SYNE1: variants seen among roughly 807,000 people sequenced by gnomAD.
SYNE1 encodes nesprin-1.
In SYNE1, 616 loss-of-function variants were observed where a neutral mutation model predicts 1,111.0. That is an observed-to-expected ratio of 0.55 (90% CI 0.52 to 0.59). The LOEUF is 0.59. SYNE1 is among the 20% of genes least tolerant of loss of function. SYNE1 has a pLI of 0.00. For missense variants in SYNE1, 10,006 were observed against 10,417.0 expected, an observed-to-expected ratio of 0.96 and a Z score of 1.72; for synonymous variants, 3,855 against 3,825.8, an observed-to-expected ratio of 1.01 and a Z score of -0.28.
chr6:152,417,238 C>T (rs1354967270), intron 40 of SYNE1, among the ~76,000 whole-genome samples: 5 of 152,304 alleles, frequency 3.3e-5, no homozygotes, highest in Non-Finnish European at 7.3e-5. Context: ...GTGGCTCACG[C>T]CTGTAATCCC....
chr6:152,180,116 A>G lies in SYNE1; in HGVS notation c.23460+20T>C. On this transcript the variant is annotated intron_variant, in intron 129 of 145. Transcript: ENST00000367255. ...AAGCCTTATGAAGAATGAAAACCTA[A>G]GTAGCCATGCATTCCATACCTTCTT... 1 of 1,613,866 alleles carries G rather than the reference A, an allele frequency of 6.2e-7. No homozygotes were observed. The highest frequency in any genetic ancestry group is 8.5e-7 in the Non-Finnish European group (1 of 1,179,856).
At chr6:152,197,695 T>TA (rs1156709104) in intron 127 of SYNE1, among the ~76,000 whole-genome samples, 1 of 152,162 alleles carries the variant, frequency 6.6e-6, no homozygotes, top group East Asian at 1.9e-4. Flanking sequence ...AAAGTGGGCT[T>TA]AAAATATCAG....
At chr6:152,261,492 C>A (rs2091983956) in intron 101 of SYNE1, among the ~76,000 whole-genome samples, 2 of 152,208 alleles carry the variant, frequency 1.3e-5, no homozygotes, top group Non-Finnish European at 2.9e-5. Flanking sequence ...CAGTATCCCT[C>A]CCAGGAACCA....
At chr6:152,338,693 A>T (rs1305821906) in intron 75 of SYNE1, among the ~76,000 whole-genome samples, 1 of 152,234 alleles carries the variant, frequency 6.6e-6, no homozygotes, top group Non-Finnish European at 1.5e-5. Flanking sequence ...CTGCAGTGGC[A>T]GCAGCCGGGA....
intron 34 of SYNE1, among the ~76,000 whole-genome samples, chr6:152,431,849 T>C (rs1223175023): frequency 3.9e-5 from 6 of 152,206 alleles, no homozygotes; most frequent in Non-Finnish European, 8.8e-5. Flanking sequence ...ATATTTGTTA[T>C]TTGAGCATTT....
intron 3 of SYNE1, among the ~76,000 whole-genome samples, chr6:152,627,872 C>T (rs2099689101): frequency 6.6e-6 from 1 of 152,030 alleles, no homozygotes; most frequent in Non-Finnish European, 1.5e-5. Flanking sequence ...ACCTATTTGA[C>T]AATAGCATAT....
chr6:152,180,860 C>T (rs1029345324), intron 128 of SYNE1, among the ~76,000 whole-genome samples: 3 of 152,032 alleles, frequency 2.0e-5, no homozygotes, highest in Admixed American at 6.6e-5. Flanking sequence ...CATACTGACA[C>T]GTGGACTCCA....
chr6:152,234,043 G>T, intron 111 of SYNE1, 80 bp from the exon 112 acceptor site: 1 of 1,435,846 alleles, frequency 7.0e-7, no homozygotes, highest in Non-Finnish European at 9.6e-7. Flanking sequence ...TTTAGTGCAT[G>T]AAACAATTTC....
At chr6:152,125,379 T>C in intron 145 of SYNE1, 1 of 1,541,830 alleles carries the variant, frequency 6.5e-7, no homozygotes. Context: ...CACAGTATCC[T>C]GCAGATCATC....
At chr6:152,141,021 C>G (rs951226601) in intron 139 of SYNE1, among the ~76,000 whole-genome samples, 182 bp downstream of exon 139, 1 of 146,662 alleles carries the variant, frequency 6.8e-6, no homozygotes, top group Non-Finnish European at 1.5e-5. Flanking sequence ...GGCGACAGAG[C>G]GCCACTCCGC....
intron 14 of SYNE1, chr6:152,481,267 G>A (rs766256447): frequency 6.0e-5 from 14 of 233,596 alleles, no homozygotes; most frequent in Middle Eastern, 1.7e-3. Context: ...CACCACAAAC[G>A]CCTGGACCTC....
chr6:152,123,105 T>A (rs558328091), intron 145 of SYNE1, among the ~76,000 whole-genome samples: 1 of 152,248 alleles, frequency 6.6e-6, no homozygotes, highest in Admixed American at 6.5e-5. Context: ...GCTGTCAGAA[T>A]CATACCAAGT....
chr6:152,261,405 A>G (rs976444143), intron 101 of SYNE1, among the ~76,000 whole-genome samples: 5 of 152,086 alleles, frequency 3.3e-5, no homozygotes, highest in African/African-American at 9.7e-5. Context: ...AGTAATAGCC[A>G]TTATCTGGAA....
chr6:152,550,703 C>T (rs949584226), intron 3 of SYNE1, among the ~76,000 whole-genome samples: 2 of 151,806 alleles, frequency 1.3e-5, no homozygotes, highest in African/African-American at 4.8e-5. Context: ...TTCATTATTC[C>T]ACTTAATGTG....
At chr6:152,581,124 C>A (rs75178678) in intron 3 of SYNE1, among the ~76,000 whole-genome samples, 1 of 152,194 alleles carries the variant, frequency 6.6e-6, no homozygotes, top group Non-Finnish European at 1.5e-5. Context: ...CTGATGTGTG[C>A]AAAGACCTGC....
intron 73 of SYNE1, among the ~76,000 whole-genome samples, chr6:152,345,319 C>T (rs11962857): frequency 0.024 from 3,726 of 152,234 alleles, 157 homozygotes; most frequent in African/African-American, 0.084. Context: ...AATGAGTGAA[C>T]GAATGAACTC....
intron 3 of SYNE1, among the ~76,000 whole-genome samples, chr6:152,627,679 G>A (rs1221146252): frequency 1.3e-5 from 2 of 151,944 alleles, no homozygotes; most frequent in African/African-American, 4.8e-5. Context: ...AAGCAGAGAA[G>A]AGAACCACTG....
At chr6:152,123,650 C>T (rs902693577) in intron 145 of SYNE1, among the ~76,000 whole-genome samples, 9 of 152,060 alleles carry the variant, frequency 5.9e-5, no homozygotes, top group Admixed American at 3.3e-4. Context: ...ATGTTGTTTA[C>T]GACAGGCATT....
chr6:152,318,810 T>C lies in SYNE1; in HGVS notation c.16389+53A>G, dbSNP rs1030943492. On this transcript the variant is annotated intron_variant, in intron 85 of 145. Transcript: ENST00000367255. Reference sequence around the variant, plus strand: ...TCCTATATCCCCAAGTAAAACTGACTCCAAAAACTATTTAATTCATTCAGT... The same window carrying C: ...TCCTATATCCCCAAGTAAAACTGACCCCAAAAACTATTTAATTCATTCAGT... 3.7e-6 allele frequency: 6 copies of C among 1,605,994 alleles called. No individual in the cohort carries two copies. The African/African-American group carries it at 8.0e-5, about 21-fold the overall frequency.
Sources: allele counts gnomAD v4.1 joint callset (sites outside exome capture counted in the v4.1 genomes callset), GRCh38; gene constraint gnomAD v4.1.1; transcripts MANE v1.5; gene names NCBI Gene and HGNC (gene_info 2026-07-23, HGNC 2026-07-21).